Variants in LY9 observed in about 807,000 individuals in gnomAD.
The protein encoded by LY9 is T-lymphocyte surface antigen Ly-9.
Under a neutral mutation model 64.6 loss-of-function variants are expected in LY9, and 59 were observed. That is an observed-to-expected ratio of 0.91 (90% CI 0.74 to 1.13). The LOEUF (loss-of-function observed/expected upper bound fraction) is 1.13. Among genes scored for constraint, LY9 ranks in the 50% most tolerant of loss-of-function variants. The pLI is 0.00. For synonymous variants in LY9, 281 were observed against 308.5 expected (o/e 0.91, Z 0.93); for missense variants, 789 against 797.2 (o/e 0.99, Z 0.12).
intron 9 of LY9, among the ~76,000 whole-genome samples, chr1:160,826,104 C>T (rs761352481): frequency 2.0e-4 from 31 of 152,042 alleles, no homozygotes; most frequent in South Asian, 1.0e-3. Flanking sequence ...TTGCATGTTA[C>T]GTGTATTATA....
intron 7 of LY9, among the ~76,000 whole-genome samples, chr1:160,821,945 T>C (rs1230803761): frequency 1.3e-5 from 2 of 152,206 alleles, no homozygotes; most frequent in Non-Finnish European, 1.5e-5. Context: ...TTTCCTCATC[T>C]ACAAAAAATA....
At chr1:160,817,797 T>C (rs948561771) in intron 5 of LY9, among the ~76,000 whole-genome samples, 21 of 152,276 alleles carry the variant, frequency 1.4e-4, no homozygotes, top group African/African-American at 4.8e-4. Context: ...AGAAAAAAGG[T>C]ACGGTCTACC....
At chr1:160,812,778 T>C (rs985237558) in intron 2 of LY9, 8 of 152,168 alleles carry the variant, frequency 5.3e-5, no homozygotes, top group African/African-American at 1.7e-4. Flanking sequence ...TTTTAATGTA[T>C]TACCTATTCA....
At chr1:160,825,293 T>C (rs989252120) in intron 9 of LY9, among the ~76,000 whole-genome samples, 1 of 152,166 alleles carries the variant, frequency 6.6e-6, no homozygotes, top group Non-Finnish European at 1.5e-5. Flanking sequence ...TTATATGAAG[T>C]TTTGCAGTTA....
At chr1:160,818,364 C>T in intron 6 of LY9, 45 bp downstream of exon 6, 1 of 1,437,028 alleles carries the variant, frequency 7.0e-7, no homozygotes, top group Non-Finnish European at 9.8e-7. Context: ...TAGGCCATTT[C>T]CCTGGGACTT....
At chr1:160,800,525 G>T (rs1666354714) in intron 2 of LY9, among the ~76,000 whole-genome samples, 2 of 152,164 alleles carry the variant, frequency 1.3e-5, no homozygotes, top group East Asian at 1.9e-4. Flanking sequence ...CAAAAGACAT[G>T]ATTTCATTCT....
At chr1:160,814,820 G>A (rs1418607785) in intron 4 of LY9, 59 bp downstream of exon 4, 3 of 1,406,156 alleles carry the variant, frequency 2.1e-6, no homozygotes, top group Middle Eastern at 1.8e-4. Flanking sequence ...TTTCTCCTCT[G>A]CTGCCTTCTC....
In LY9 at chr1:160,813,842, A is replaced by G. The variant is rs1667722265; in HGVS notation, c.661A>G (p.Ile221Val). Residue 221 changes from isoleucine to valine, a missense_variant, in exon 3 of 10, where the codon ATC becomes GTC. Physicochemically the swap from Ile to Val is conservative, Grantham distance 29 (BLOSUM62 3). Coordinates refer to ENST00000263285, the MANE Select transcript of LY9 (RefSeq NM_002348.4). ...ACCATGTGACCCAGACCTGCCATACATCTGCACAGCCCAGAACCCCGTCAG... is the reference window on the plus strand; with the variant it reads ...ACCATGTGACCCAGACCTGCCATACGTCTGCACAGCCCAGAACCCCGTCAG... ...RTPCDPDLPYICTAQNPVSQR... is the reference protein window; with the variant it reads ...RTPCDPDLPYVCTAQNPVSQR... 6.2e-7 allele frequency: 1 copy of G among 1,614,130 alleles called. No individual in the cohort carries two copies. Among genetic ancestry groups the G allele is most frequent in the African/African-American group, 1.3e-5 (1 of 75,012 alleles).
At chr1:160,809,052 A>G (rs1667234459) in intron 2 of LY9, among the ~76,000 whole-genome samples, 1 of 151,958 alleles carries the variant, frequency 6.6e-6, no homozygotes, top group Non-Finnish European at 1.5e-5. Context: ...TGTTTCCAAT[A>G]TTTCCTCTTA....
chr1:160,802,418 TC>T (rs1244119223), intron 2 of LY9: 18 of 986,148 alleles, frequency 1.8e-5, no homozygotes, highest in Non-Finnish European at 2.2e-5. Context: ...CACCGGCCAC[TC>T]CCCGAGGAGC....
Position 160,814,760 on chromosome 1 carries a change from C to G in LY9, c.1071C>G (p.Tyr357Ter), listed in dbSNP as rs1453071353. ...TSMTHVTLLI[Y>*]RRLRKPKITW... The stretch of plus-strand genomic sequence containing the variant: ...TGACACATGTCACCCTGCTCATCTA[C>G]CGTGAGTCTCTGGGCAGGGCACCCA... Residue 357 changes from tyrosine (Y) to a stop codon, truncating the protein, a stop_gained and splice_region_variant, in exon 4 of 10, where the codon TAC becomes TAG. Transcript: ENST00000263285. LOFTEE classifies it high-confidence loss of function. 4.3e-6 allele frequency: 7 copies of G among 1,610,292 alleles called. No homozygotes were observed. In the East Asian group the frequency reaches 1.6e-4, roughly 36 times the overall value.
chr1:160,800,014 A>G lies in LY9; in HGVS notation c.386A>G (p.Tyr129Cys), dbSNP rs748844970. The part of the protein sequence containing the change: ...SNLTLNDAGS[Y>C]KAQINQRNFE... ...CTGACTCTGAATGATGCAGGATCCT[A>G]CAAAGCCCAGATAAACCAAAGGAAT... The change falls in exon 2 of 10, where the codon TAC becomes TGC. Residue 129 changes from tyrosine (Y) to cysteine (C), a missense_variant. Tyr to Cys is a radical substitution (Grantham distance 194). Coordinates refer to ENST00000263285, the MANE Select transcript of LY9 (RefSeq NM_002348.4). The G allele has an allele frequency of 2.5e-6, 4 of 1,614,226 alleles. No homozygotes were observed. In the South Asian group the frequency reaches 3.3e-5, roughly 13 times the overall value.
At chr1:160,816,904 G>A in intron 5 of LY9, 41 bp downstream of exon 5, 1 of 1,605,500 alleles carries the variant, frequency 6.2e-7, no homozygotes, top group Non-Finnish European at 8.5e-7. Context: ...CAGGACCTTG[G>A]GGCCTCCAAG....
At chr1:160,802,457 T>A in intron 2 of LY9, 20 of 986,052 alleles carry the variant, frequency 2.0e-5, no homozygotes, top group Non-Finnish European at 2.4e-5. Context: ...AGGCCCACAG[T>A]GCGGGGCTGC....
chr1:160,824,377 C>T, intron 9 of LY9, 128 bp downstream of exon 9: 2 of 1,469,656 alleles, frequency 1.4e-6, no homozygotes, highest in Non-Finnish European at 1.8e-6. Flanking sequence ...ATGCACCCCT[C>T]AGATACATTC....
intron 2 of LY9, chr1:160,810,340 G>A (rs1291017662): frequency 1.3e-5 from 2 of 152,248 alleles, no homozygotes; most frequent in Non-Finnish European, 2.9e-5. Flanking sequence ...CTGGAGACTA[G>A]AAATCCAAGT....
In LY9 at chr1:160,823,678, C is replaced by T. The variant is rs1223582573; in HGVS notation, c.1712C>T (p.Ala571Val). ...TTTGACCAGGTCACTCAGGAGGGCG[C>T]TGGACATGACCCAGCCCCTGAGGGC... ...EVFDQVTQEG[A>V]GHDPAPEGQA... The change falls in exon 8 of 10, where the codon GCT becomes GTT. Residue 571 changes from alanine to valine, a missense_variant. Ala to Val is a moderately conservative substitution (Grantham distance 64, BLOSUM62 0). Coordinates refer to ENST00000263285, the MANE Select transcript of LY9 (RefSeq NM_002348.4). 8.7e-6 allele frequency: 14 copies of T among 1,614,060 alleles called. No individual in the cohort carries two copies. The highest frequency in any genetic ancestry group is 1.2e-5 in the Non-Finnish European group (14 of 1,179,956).
At chr1:160,819,437 C>CTGCT (rs1668208198) in intron 7 of LY9, 63 bp downstream of exon 7, 1 of 1,423,300 alleles carries the variant, frequency 7.0e-7, no homozygotes, top group South Asian at 1.1e-5. Context: ...TAAAGTCTTG[C>CTGCT]TGCTCAAAGT....
In LY9 at chr1:160,816,660, G is replaced by C; in HGVS notation, c.1139G>C (p.Ser380Thr). ...RHSEDGICRI[S>T]LTCSVEDGGN... is the part of the protein sequence containing the mutation. ...AGTGAGGATGGCATCTGCAGGATCA[G>C]CCTGACCTGCTCCGTGGAGGACGGG... Residue 380 changes from serine to threonine, a missense_variant, in exon 5 of 10, where the codon AGC becomes ACC. Coordinates refer to ENST00000263285, the MANE Select transcript of LY9 (RefSeq NM_002348.4). 1 of 1,614,110 alleles carries C rather than the reference G, an allele frequency of 6.2e-7. No homozygotes were observed. Among genetic ancestry groups the C allele is most frequent in the Admixed American group, 1.7e-5 (1 of 60,002 alleles).
Sources: allele counts gnomAD v4.1 joint callset (sites outside exome capture counted in the v4.1 genomes callset), GRCh38; gene constraint gnomAD v4.1.1; transcripts MANE v1.5; gene names NCBI Gene and HGNC (gene_info 2026-07-23, HGNC 2026-07-21).